LMBRD1: variants seen among roughly 807,000 people sequenced by gnomAD.
The protein encoded by LMBRD1 is LMBR1 domain containing 1.
A neutral mutation model predicts 74.8 loss-of-function variants in LMBRD1; 64 were observed. The ratio of observed to expected loss-of-function variants is 0.86; its 90% CI spans 0.70 to 1.05. The LOEUF (loss-of-function observed/expected upper bound fraction) is 1.05, where lower values mean the gene tolerates loss of function less well. LMBRD1 is among the 50% of genes least tolerant of loss of function. LMBRD1 has a pLI of 0.00. For synonymous variants in LMBRD1, 204 were observed against 216.3 expected (o/e 0.94, Z 0.50); for missense variants, 652 against 645.9 (o/e 1.01, Z -0.10).
At chr6:69,690,726 T>G (rs1040234471) in intron 14 of LMBRD1, among the ~76,000 whole-genome samples, 1 of 152,152 alleles carries the variant, frequency 6.6e-6, no homozygotes, top group Non-Finnish European at 1.5e-5. Context: ...TATCAAAATA[T>G]CTTGTGTACC....
chr6:69,750,707 T>C (rs1246335083), intron 4 of LMBRD1, among the ~76,000 whole-genome samples: 1 of 152,132 alleles, frequency 6.6e-6, no homozygotes, highest in African/African-American at 2.4e-5. Context: ...AACGCATACA[T>C]CTCGTGGAGA....
chr6:69,734,351 T>C (rs1766927490), intron 7 of LMBRD1, among the ~76,000 whole-genome samples: 1 of 152,114 alleles, frequency 6.6e-6, no homozygotes, highest in Admixed American at 6.5e-5. Flanking sequence ...CATCAATGGA[T>C]TCTTGGAAAC....
intron 14 of LMBRD1, among the ~76,000 whole-genome samples, chr6:69,683,333 C>T (rs1765700783): frequency 6.6e-6 from 1 of 151,986 alleles, no homozygotes; most frequent in South Asian, 2.1e-4. Context: ...TTTGATTTTC[C>T]ATGCAAATTC....
chr6:69,752,184 T>C, intron 4 of LMBRD1, 75 bp downstream of exon 4: 1 of 1,451,966 alleles, frequency 6.9e-7, no homozygotes, highest in Non-Finnish European at 9.4e-7. Flanking sequence ...AAAAATTCAG[T>C]CATTCATTCT....
chr6:69,735,124 A>G (rs1048622225), intron 7 of LMBRD1, among the ~76,000 whole-genome samples: 4 of 152,112 alleles, frequency 2.6e-5, no homozygotes, highest in Non-Finnish European at 5.9e-5. Flanking sequence ...TTGCTCATTC[A>G]TTTTCCAAGC....
At chr6:69,760,934 G>A (rs533105747) in intron 3 of LMBRD1, among the ~76,000 whole-genome samples, 6 of 152,214 alleles carry the variant, frequency 3.9e-5, no homozygotes, top group South Asian at 4.1e-4. Context: ...TCTCCCTTGC[G>A]GAATCTTGGA....
chr6:69,749,952 GTA>G (rs541349935), intron 4 of LMBRD1, among the ~76,000 whole-genome samples: 23 of 19,640 alleles, frequency 1.2e-3, no homozygotes, highest in East Asian at 2.5e-3. Flanking sequence ...ACATATATAA[GTA>G]TATATACACA....
chr6:69,701,187 A>G (rs1295000917), intron 11 of LMBRD1, among the ~76,000 whole-genome samples: 2 of 151,918 alleles, frequency 1.3e-5, no homozygotes, highest in African/African-American at 4.8e-5. Context: ...CTCATGTTAT[A>G]TAATATATCC....
chr6:69,793,404 G>A (rs767795667), intron 1 of LMBRD1, among the ~76,000 whole-genome samples: 16 of 152,190 alleles, frequency 1.1e-4, no homozygotes, highest in Non-Finnish European at 2.2e-4. Flanking sequence ...GATTCAGTAG[G>A]ACTGGGGTCA....
chr6:69,735,619 A>G (rs1281143965), intron 7 of LMBRD1, among the ~76,000 whole-genome samples: 2 of 152,278 alleles, frequency 1.3e-5, no homozygotes, highest in African/African-American at 2.4e-5. Context: ...CTTTCCAATA[A>G]TATCATTCCT....
chr6:69,674,752 A>G lies in LMBRD1; in HGVS notation c.*1406T>C. On this transcript the variant is annotated 3_prime_UTR_variant, in exon 16 of 16. Transcript: ENST00000649934. ...CACTTTGGGAGGCCACTGTGGGTGGATCATGAGGTCAGGAGTTCAAGACCA... is the reference window on the plus strand; with the variant it reads ...CACTTTGGGAGGCCACTGTGGGTGGGTCATGAGGTCAGGAGTTCAAGACCA... Among the ~76,000 whole-genome samples the G allele has an allele frequency of 6.6e-6, 1 of 152,110 alleles. No homozygotes were observed. Among genetic ancestry groups the G allele is most frequent in the Non-Finnish European group, 1.5e-5 (1 of 68,022 alleles).
At chr6:69,755,588 T>TAAAAAA (rs75543340) in intron 3 of LMBRD1, among the ~76,000 whole-genome samples, 2 of 132,842 alleles carry the variant, frequency 1.5e-5, no homozygotes, top group African/African-American at 2.8e-5. Flanking sequence ...TCCCAGAACT[T>TAAAAAA]AAAAAAAAAA....
chr6:69,790,484 CA>C lies in LMBRD1; in HGVS notation c.70-13del. On this transcript the variant is annotated splice_polypyrimidine_tract_variant and intron_variant, in intron 1 of 15. Transcript: ENST00000649934. ...AATGCCAAAATAGCCTGAAATAGAA[CA>C]AAAAGAGATGTTTGTTACTACCCAG... 1.2e-6 allele frequency: 2 copies of C among 1,612,708 alleles called. No homozygotes were observed.
chr6:69,696,051 C>T (rs1765990096), intron 14 of LMBRD1, among the ~76,000 whole-genome samples: 1 of 152,138 alleles, frequency 6.6e-6, no homozygotes, highest in African/African-American at 2.4e-5. Context: ...GCCATGTTGG[C>T]CAGGCTGGTC....
chr6:69,696,144 A>G (rs1236300084), intron 14 of LMBRD1, among the ~76,000 whole-genome samples: 1 of 152,168 alleles, frequency 6.6e-6, no homozygotes. Context: ...AAAATTAATC[A>G]AAGTACTCAG....
chr6:69,775,569 A>G (rs1765682101), intron 3 of LMBRD1, among the ~76,000 whole-genome samples: 1 of 152,216 alleles, frequency 6.6e-6, no homozygotes, highest in African/African-American at 2.4e-5. Flanking sequence ...AGTAGACTCA[A>G]ATTACACTAG....
rs1766726877 is a variant in LMBRD1 at position 69,726,024 on chromosome 6, A to G, written c.637-6943T>C. Among the ~76,000 whole-genome samples, 5 of 152,310 alleles carry G rather than the reference A, an allele frequency of 3.3e-5. No homozygotes were observed. The South Asian group carries it at 1.0e-3, about 32-fold the overall frequency. Reference sequence around the variant, plus strand: ...AATAACCAAAATATATAAGGAGCTCAAACAACTCTACAGAAAAAAGCCTAA... The same window carrying G: ...AATAACCAAAATATATAAGGAGCTCGAACAACTCTACAGAAAAAAGCCTAA... On this transcript the variant is annotated intron_variant, in intron 7 of 15. Transcript: ENST00000649934.
intron 6 of LMBRD1, among the ~76,000 whole-genome samples, chr6:69,741,305 C>G (rs1767095341): frequency 6.6e-6 from 1 of 151,848 alleles, no homozygotes; most frequent in Admixed American, 6.6e-5. Context: ...TAAAAGCAAG[C>G]CTTAAGAATG....
chr6:69,710,186 A>G (rs979004732), intron 9 of LMBRD1, among the ~76,000 whole-genome samples: 17 of 152,198 alleles, frequency 1.1e-4, no homozygotes, highest in African/African-American at 4.1e-4. Context: ...TGGAGATTCC[A>G]GAAATAGACC....
Sources: gnomAD v4.1 joint callset for allele counts (sites outside exome capture counted in the v4.1 genomes callset) on GRCh38, gnomAD v4.1.1 for gene constraint, MANE v1.5 for transcripts, NCBI Gene and HGNC (gene_info 2026-07-23, HGNC 2026-07-21) for gene names.